Variants in CHD2 observed in about 807,000 individuals in gnomAD.
The protein encoded by CHD2 is ATP-dependent chromatin remodeler CHD2.
In CHD2, 28 loss-of-function variants were observed where a neutral mutation model predicts 243.9. The observed-to-expected ratio is 0.11, with a 90% confidence interval of 0.09 to 0.16. The LOEUF is 0.16. CHD2 is among the 10% of genes least tolerant of loss of function. The pLI is 1.00. For synonymous variants in CHD2, 775 were observed against 779.0 expected (o/e 0.99, Z 0.09); for missense variants, 1,386 against 2,209.8 (o/e 0.63, Z 7.47).
intron 37 of CHD2, among the ~76,000 whole-genome samples, chr15:93,016,784 A>AAAAAAAAAAAAG (rs1293540915): frequency 2.0e-5 from 3 of 151,378 alleles, no homozygotes; most frequent in Non-Finnish European, 4.4e-5. Flanking sequence ...CGTCTCAAAA[A>AAAAAAAAAAAAG]AAAAAAAAAA....
chr15:92,910,024 G>A (rs950011518), intron 2 of CHD2, among the ~76,000 whole-genome samples: 2 of 150,924 alleles, frequency 1.3e-5, no homozygotes, highest in Non-Finnish European at 3.0e-5. Context: ...TTTTTCTTTT[G>A]AGACAGGGTT....
chr15:92,992,207 C>T (rs558769872), intron 27 of CHD2, among the ~76,000 whole-genome samples: 6 of 152,136 alleles, frequency 3.9e-5, no homozygotes, highest in South Asian at 2.1e-4. Context: ...CTCCATTTGG[C>T]GAGGAGGTAG....
chr15:92,936,540 G>A (rs947802004), intron 5 of CHD2, among the ~76,000 whole-genome samples: 3 of 152,176 alleles, frequency 2.0e-5, no homozygotes, highest in African/African-American at 7.2e-5. Context: ...ACGCCTGTAG[G>A]TTATGGCTCT....
At chr15:92,946,351 T>G in intron 12 of CHD2, 135 bp downstream of exon 12, 1 of 648,470 alleles carries the variant, frequency 1.5e-6, no homozygotes, top group Non-Finnish European at 2.4e-6. Flanking sequence ...GTGATTTAAA[T>G]ATGACATTAA....
rs145217882 is a variant in CHD2 at position 92,935,224 on chromosome 15, T to G, written c.444-2294T>G. 7.0e-3 allele frequency among the ~76,000 whole-genome samples: 1,068 copies of G among 152,094 alleles called. 6 individuals are homozygous for G. Among genetic ancestry groups the G allele is most frequent in the Non-Finnish European group, 0.011 (779 of 67,950 alleles). Reference sequence around the variant, plus strand: ...CTAATTGTTTTGTATTTTTAGTAGATACGGGGTTTCACCACGTTAGCCAGG... The same window carrying G: ...CTAATTGTTTTGTATTTTTAGTAGAGACGGGGTTTCACCACGTTAGCCAGG... On this transcript the variant is annotated intron_variant, in intron 5 of 38. Transcript: ENST00000394196.
chr15:92,970,314 G>C (rs956885010), intron 17 of CHD2, among the ~76,000 whole-genome samples: 3 of 151,968 alleles, frequency 2.0e-5, no homozygotes, highest in African/African-American at 7.3e-5. Flanking sequence ...TGATTCTCCT[G>C]CCTCAGCCTC....
At position 92,967,422 on chromosome 15, in the gene CHD2, A is replaced by C. The variant is rs776453537; in HGVS notation, c.2098A>C (p.Arg700=). The C allele has an allele frequency of 1.4e-5, 22 of 1,613,928 alleles. No homozygotes were observed. Among genetic ancestry groups the C allele is most frequent in the Non-Finnish European group, 1.9e-5 (22 of 1,179,910 alleles). Residue 700 remains arginine (R), a synonymous_variant, in exon 17 of 39, where the codon AGA becomes CGA. Transcript: ENST00000394196. ...HKVLEPFLLR[R]VKKDVEKSLP... ...GGTGCTAGAGCCTTTCCTTCTCCGG[A>C]GAGTCAAAAAAGATGTGGAGAAATC... is the stretch of plus-strand genomic sequence containing the variant.
In CHD2 at chr15:92,924,689, T is replaced by C. The variant is rs112124526; in HGVS notation, c.294+137T>C. On this transcript the variant is annotated intron_variant, in intron 3 of 38. Transcript: ENST00000394196. ...TTTTTTCTAGTAATATACAGTAGTA[T>C]ATCTGAGGATACAAATGAAGACTTC... is the stretch of plus-strand genomic sequence containing the variant. The C allele has an allele frequency of 1.7e-4, 115 of 668,482 alleles. 1 individual carries two copies. The African/African-American group carries it at 1.9e-3, about 11-fold the overall frequency. The allele number at this position is 668,482 out of a possible 1,614,324, so 41.4% of individuals were successfully genotyped here.
intron 8 of CHD2, 116 bp downstream of exon 8, chr15:92,942,071 G>T: frequency 1.0e-6 from 1 of 984,844 alleles, no homozygotes; most frequent in Non-Finnish European, 1.5e-6. Flanking sequence ...GTTGTGATAT[G>T]TAGAAGTCTT....
At chr15:92,920,724 T>C (rs2052938753) in intron 2 of CHD2, among the ~76,000 whole-genome samples, 1 of 152,250 alleles carries the variant, frequency 6.6e-6, no homozygotes, top group Non-Finnish European at 1.5e-5. Context: ...ATGATTCTAT[T>C]CTTAAACTTT....
chr15:92,961,002 G>A (rs1053630267), intron 16 of CHD2, among the ~76,000 whole-genome samples: 2 of 152,088 alleles, frequency 1.3e-5, no homozygotes, highest in Admixed American at 6.5e-5. Context: ...GGGATTACAG[G>A]CGTGAGCCAC....
rs2052523371 is a variant in CHD2, at chr15:92,901,148, T to TA, written c.-71-19_-71-18insA. On this transcript the variant is annotated intron_variant, in intron 1 of 38. Coordinates refer to ENST00000394196, the MANE Select transcript of CHD2 (RefSeq NM_001271.4). ...ATCGATAGAAGCCGGGACCTTACCT[T>TA]TCTTTCAACTTTTGACAGTAAATAC... 1.3e-6 allele frequency: 1 copy of TA among 765,964 alleles called. No homozygotes were observed. Among genetic ancestry groups the TA allele is most frequent in the Admixed American group, 2.2e-5 (1 of 45,042 alleles). The allele number at this position is 765,964 out of a possible 1,614,324, so 47.4% of individuals were successfully genotyped here.
chr15:92,949,208 A>G (rs2053518795), intron 13 of CHD2, 132 bp downstream of exon 13: 1 of 1,497,954 alleles, frequency 6.7e-7, no homozygotes, highest in Admixed American at 2.6e-5. Flanking sequence ...GCTGCATATT[A>G]CAGAAATAAA....
intron 38 of CHD2, among the ~76,000 whole-genome samples, chr15:93,023,842 C>T (rs1175790497): frequency 3.3e-5 from 5 of 151,296 alleles, no homozygotes; most frequent in Admixed American, 6.6e-5. Flanking sequence ...AAATCCTTTG[C>T]CTGTTTTTGA....
rs1329311183 is a variant in CHD2, at chr15:92,998,896, A to G, written c.4008+275A>G. 5.9e-5 allele frequency among the ~76,000 whole-genome samples: 9 copies of G among 151,942 alleles called. No homozygotes were observed. The highest frequency in any genetic ancestry group is 1.7e-4 in the African/African-American group (7 of 41,356). ...CAGGAGATTGAGACCATCCTGGCTA[A>G]TATGGTGAAACCCCGTCTCTACTAA... On this transcript the variant is annotated intron_variant, in intron 31 of 38. Transcript: ENST00000394196. This position sits in a 1 kb window ranked among gnomAD's most constrained non-coding sequence, Gnocchi z 5.1.
chr15:92,907,072 A>T (rs1437550224), intron 2 of CHD2, among the ~76,000 whole-genome samples: 2 of 152,208 alleles, frequency 1.3e-5, no homozygotes, highest in Non-Finnish European at 2.9e-5. Context: ...CATTACTCAC[A>T]TTTGTCTTAT....
intron 16 of CHD2, among the ~76,000 whole-genome samples, chr15:92,961,264 A>G (rs972270313): frequency 9.4e-5 from 13 of 138,054 alleles, no homozygotes; most frequent in Non-Finnish European, 1.6e-4. Flanking sequence ...CCTGGTTTCC[A>G]GTTACAGGTT....
chr15:92,907,553 C>G (rs2141709496), intron 2 of CHD2, among the ~76,000 whole-genome samples: 1 of 152,296 alleles, frequency 6.6e-6, no homozygotes, highest in South Asian at 2.1e-4. Flanking sequence ...CTGGCAAGAG[C>G]TAGGTATGAG....
chr15:92,954,246 C>A (rs1273817036), intron 14 of CHD2: 1 of 152,240 alleles, frequency 6.6e-6, no homozygotes. Context: ...TGATGGCATT[C>A]TTTCCTGCTA....
Sources: gnomAD v4.1 joint callset for allele counts (sites outside exome capture counted in the v4.1 genomes callset) on GRCh38, gnomAD v4.1.1 for gene constraint, Gnocchi (gnomAD v3.1) non-coding constraint, MANE v1.5 for transcripts, NCBI Gene and HGNC (gene_info 2026-07-23, HGNC 2026-07-21) for gene names.